SYTL5: variants seen among roughly 807,000 people sequenced by gnomAD.
SYTL5 encodes the protein synaptotagmin-like protein 5.
A neutral mutation model predicts 55.9 loss-of-function variants in SYTL5; 34 were observed. That is an observed-to-expected ratio of 0.61 (90% CI 0.46 to 0.81). SYTL5 has a LOEUF of 0.81. Ranked by LOEUF, SYTL5 falls within the 30% of genes least tolerant of loss-of-function variation. The probability of loss-of-function intolerance (pLI) is 0.00; values close to 1 mark genes in which losing one functional copy is unlikely to be tolerated. For synonymous variants in SYTL5, 221 were observed against 188.7 expected, an observed-to-expected ratio of 1.17 and a Z score of -1.40; for missense variants, 637 against 546.7, an observed-to-expected ratio of 1.17 and a Z score of -1.65.
the SYTL5 span, among the ~76,000 whole-genome samples, chrX:37,915,162 G>A: frequency 9.9e-5 from 11 of 111,633 alleles, no homozygotes; most frequent in South Asian, 7.5e-4. Flanking sequence ...GTGTGTGCGC[G>A]CGCATGCACG....
At position 38,125,485 on chromosome X, in the gene SYTL5, G is replaced by A. The variant is rs1182336253; in HGVS notation, c.2029G>A (p.Val677Ile). ...TTCCAGCAACATCTTTCTGGGAGGA[G>A]TTCGTTTGAATTCTGGAAGTGGTGA... ...AFSSNIFLGG[V>I]RLNSGSGVSH... Residue 677 changes from valine to isoleucine, a missense_variant, in exon 16 of 17, where the codon GTT becomes ATT. By Grantham distance (29) the Val-to-Ile change is conservative (BLOSUM62 3). Coordinates refer to ENST00000297875, the MANE Select transcript of SYTL5 (RefSeq NM_138780.3). 8.3e-7 allele frequency: 1 copy of A among 1,211,410 alleles called. No homozygotes were observed. Among genetic ancestry groups the A allele is most frequent in the East Asian group, 3.0e-5 (1 of 33,861 alleles).
chrX:37,895,488 T>TTTC, the SYTL5 span, among the ~76,000 whole-genome samples: 1 of 83,477 alleles, frequency 1.2e-5, no homozygotes, highest in African/African-American at 8.1e-5. Flanking sequence ...CTCTCTCTTT[T>TTTC]TTTCTTTCTT....
At chrX:38,006,946 G>A (rs1403995503) in intron 1 of SYTL5, among the ~76,000 whole-genome samples, 2 of 111,107 alleles carry the variant, frequency 1.8e-5, no homozygotes, top group Non-Finnish European at 3.8e-5. Flanking sequence ...ATTGCACTAG[G>A]TTCTACTGAA....
At chrX:38,015,719 T>C (rs1934331041) in intron 1 of SYTL5, among the ~76,000 whole-genome samples, 1 of 111,052 alleles carries the variant, frequency 9.0e-6, no homozygotes, top group African/African-American at 3.3e-5. Flanking sequence ...TTTTTTTTTT[T>C]AGTCTATTCA....
At chrX:37,985,342 A>G in the SYTL5 span, among the ~76,000 whole-genome samples, 1 of 111,836 alleles carries the variant, frequency 8.9e-6, no homozygotes, top group East Asian at 2.8e-4. Flanking sequence ...ATGTAAACAA[A>G]GAAAAAATGT....
intron 1 of SYTL5, among the ~76,000 whole-genome samples, chrX:38,019,036 C>T (rs1934453862): frequency 1.8e-5 from 2 of 112,207 alleles, no homozygotes; most frequent in Admixed American, 9.5e-5. Flanking sequence ...GGCTTTAAAG[C>T]TTCAACAGCT....
chrX:38,060,248 C>T (rs898298417), intron 3 of SYTL5, among the ~76,000 whole-genome samples: 1 of 111,646 alleles, frequency 9.0e-6, no homozygotes, highest in Non-Finnish European at 1.9e-5. Flanking sequence ...ATACCGCTCT[C>T]CTACATTTTA....
chrX:38,018,724 C>G (rs62586981), intron 1 of SYTL5, among the ~76,000 whole-genome samples: 1,580 of 111,592 alleles, frequency 0.014, 13 homozygotes, highest in Non-Finnish European at 0.021. Context: ...CTTATGCACA[C>G]TAAAATTTAA....
At chrX:37,930,550 T>C in the SYTL5 span, among the ~76,000 whole-genome samples, 14 of 111,508 alleles carry the variant, frequency 1.3e-4, no homozygotes, top group African/African-American at 3.9e-4. Flanking sequence ...CCTGGGTCCT[T>C]GACATGATGA....
chrX:37,945,061 T>A, the SYTL5 span, among the ~76,000 whole-genome samples: 1 of 113,157 alleles, frequency 8.8e-6, no homozygotes, highest in Non-Finnish European at 1.9e-5. Context: ...TTCAATAAAT[T>A]GTACTGTGTT....
At chrX:37,914,067 G>C in the SYTL5 span, among the ~76,000 whole-genome samples, 4 of 111,884 alleles carry the variant, frequency 3.6e-5, no homozygotes, top group Non-Finnish European at 7.5e-5. Context: ...TACATCATGA[G>C]ATCTGATAAT....
At chrX:37,914,697 A>G in the SYTL5 span, among the ~76,000 whole-genome samples, 1 of 111,678 alleles carries the variant, frequency 9.0e-6, no homozygotes, top group African/African-American at 3.3e-5. Flanking sequence ...ACTCTTTATA[A>G]CTTATTTAAA....
At chrX:38,062,999 G>A (rs910803006) in intron 3 of SYTL5, among the ~76,000 whole-genome samples, 3 of 110,861 alleles carry the variant, frequency 2.7e-5, no homozygotes, top group Admixed American at 9.6e-5. Context: ...TAACTCTCCC[G>A]AAAATTACTA....
At chrX:37,935,937 C>T in the SYTL5 span, among the ~76,000 whole-genome samples, 48 of 111,883 alleles carry the variant, frequency 4.3e-4, 1 homozygote, top group South Asian at 0.016. Flanking sequence ...AACAGCATAA[C>T]GGATTTTTAA....
At chrX:37,933,430 G>A in the SYTL5 span, among the ~76,000 whole-genome samples, 4,654 of 111,263 alleles carry the variant, frequency 0.042, 238 homozygotes, top group African/African-American at 0.14. Flanking sequence ...GACAGCCACC[G>A]GAAAGGGTAG....
At chrX:37,931,039 A>G in the SYTL5 span, among the ~76,000 whole-genome samples, 1 of 112,317 alleles carries the variant, frequency 8.9e-6, no homozygotes, top group African/African-American at 3.2e-5. Flanking sequence ...ACTGCAGTCA[A>G]TTGGCAAATG....
At chrX:38,122,671 G>C (rs1237261981) in intron 15 of SYTL5, among the ~76,000 whole-genome samples, 3 of 112,041 alleles carry the variant, frequency 2.7e-5, no homozygotes, top group Non-Finnish European at 5.6e-5. Context: ...TCACTGTCGA[G>C]TGCTTTGGAG....
chrX:37,916,900 C>T, the SYTL5 span, among the ~76,000 whole-genome samples: 1 of 111,506 alleles, frequency 9.0e-6, no homozygotes, highest in Admixed American at 9.6e-5. Flanking sequence ...TGTCCTTATT[C>T]TGTTCCAGGA....
At chrX:38,067,457 C>T (rs1351757130) in intron 3 of SYTL5, among the ~76,000 whole-genome samples, 1 of 110,749 alleles carries the variant, frequency 9.0e-6, no homozygotes, top group Non-Finnish European at 1.9e-5. Flanking sequence ...ATAGTATTCC[C>T]CCTTGTTCTT....
Sources: allele counts gnomAD v4.1 joint callset (sites outside exome capture counted in the v4.1 genomes callset), GRCh38; gene constraint gnomAD v4.1.1; transcripts MANE v1.5; gene names NCBI Gene and HGNC (gene_info 2026-07-23, HGNC 2026-07-21).